Variants in ALG6 observed in about 807,000 individuals in gnomAD.
ALG6 encodes the protein ALG6 alpha-1,3-glucosyltransferase.
In ALG6, 46 loss-of-function variants were observed where a neutral mutation model predicts 66.6. The observed-to-expected ratio is 0.69, with a 90% CI of 0.55 to 0.88. The LOEUF (loss-of-function observed/expected upper bound fraction) is 0.88, where lower values mean the gene tolerates loss of function less well. Among genes scored for constraint, ALG6 ranks in the 40% least tolerant of loss-of-function variants. The pLI, the probability that ALG6 is intolerant of heterozygous loss-of-function variation, is 0.00. For missense variants in ALG6, 505 were observed against 586.8 expected (o/e 0.86, Z 1.44); for synonymous variants, 185 against 203.7 (o/e 0.91, Z 0.78).
At chr1:63,422,305 A>G (rs1204964667) in intron 12 of ALG6, among the ~76,000 whole-genome samples, 1 of 84,642 alleles carries the variant, frequency 1.2e-5, no homozygotes, top group Admixed American at 1.5e-4. Context: ...ATAGATATAA[A>G]TATATATCTA....
intron 14 of ALG6, chr1:63,429,887 T>TGTGTG (rs1553156973): frequency 9.3e-5 from 8 of 85,698 alleles, no homozygotes; most frequent in East Asian, 3.7e-4. Context: ...GTGTGTGTAT[T>TGTGTG]TATTTATTTT....
Position 63,437,015 on chromosome 1 carries a change from A to G in ALG6, c.1519A>G (p.Ser507Gly). The change falls in exon 15 of 15, where the codon AGC (serine) becomes GGC (glycine). Residue 507 changes from serine to glycine, a missense_variant. Physicochemically the swap from Ser to Gly is moderately conservative, Grantham distance 56. Transcript: ENST00000263440. ...SKSGRNQKKI[S>G] ...AAGTGGAAGAAATCAGAAGAAAATC[A>G]GCTAGCTGTATTCCTAAACAAATTG... The G allele has an allele frequency of 1.2e-6, 2 of 1,612,174 alleles. No homozygotes were observed. The highest frequency in any genetic ancestry group is 1.7e-6 in the Non-Finnish European group (2 of 1,178,796).
intron 2 of ALG6, among the ~76,000 whole-genome samples, chr1:63,375,433 T>TTTTTC (rs1648091579): frequency 7.0e-6 from 1 of 143,884 alleles, no homozygotes; most frequent in Non-Finnish European, 1.5e-5. Context: ...TTTTTTTTTT[T>TTTTTC]TTTTCCAGTA....
At position 63,437,527 on chromosome 1, in the gene ALG6, G is replaced by GAATT. The variant is rs1403220944; in HGVS notation, c.*510_*513dup. On this transcript the variant is annotated 3_prime_UTR_variant, in exon 15 of 15. Transcript: ENST00000263440. ...CACTGTTTAGAAGTCATATCTTAGGGAATTAAATTTGTGATAATCTTTTTA... is the reference window on the plus strand; with the variant it reads ...CACTGTTTAGAAGTCATATCTTAGGGAATTAATTAAATTTGTGATAATCTTTTTA... The GAATT allele has an allele frequency of 6.5e-6, 1 of 153,210 alleles. No homozygotes were observed. Among genetic ancestry groups the GAATT allele is most frequent in the African/African-American group, 2.4e-5 (1 of 41,402 alleles). 9.5% of individuals were successfully genotyped at this position (153,210 alleles called of 1,614,324 possible). A position where few individuals can be genotyped will look rare whatever the true frequency, so the allele number is the denominator to read the frequency against.
intron 13 of ALG6, 58 bp downstream of exon 13, chr1:63,428,859 C>A: frequency 6.3e-7 from 1 of 1,587,884 alleles, no homozygotes; most frequent in Non-Finnish European, 8.6e-7. Flanking sequence ...TAATTTAAAA[C>A]TTTTTTATGA....
intron 1 of ALG6, among the ~76,000 whole-genome samples, chr1:63,369,001 C>G (rs1647821654): frequency 6.6e-6 from 1 of 152,120 alleles, no homozygotes; most frequent in South Asian, 2.1e-4. Flanking sequence ...CCAAAGGTAA[C>G]CTCTTTCCTG....
chr1:63,368,107 C>A (rs1432774491), intron 1 of ALG6, among the ~76,000 whole-genome samples: 1 of 152,146 alleles, frequency 6.6e-6, no homozygotes. Flanking sequence ...GCGGGCTTGG[C>A]ATTTGTCGAG....
intron 14 of ALG6, among the ~76,000 whole-genome samples, chr1:63,431,925 A>G (rs1644647965): frequency 6.6e-6 from 1 of 152,166 alleles, no homozygotes; most frequent in Admixed American, 6.5e-5. Context: ...TTTTCAATAT[A>G]CAAGATAATG....
At chr1:63,392,153 T>C (rs1282226522) in intron 2 of ALG6, among the ~76,000 whole-genome samples, 3 of 151,932 alleles carry the variant, frequency 2.0e-5, no homozygotes, top group Admixed American at 1.3e-4. Context: ...CCCATTGCTA[T>C]GGAAAATATA....
chr1:63,373,343 A>G (rs552235730), intron 2 of ALG6, among the ~76,000 whole-genome samples: 4 of 151,758 alleles, frequency 2.6e-5, no homozygotes, highest in Non-Finnish European at 5.9e-5. Flanking sequence ...CTTTTCTCTT[A>G]AAACATTTTT....
At chr1:63,423,266 C>T (rs1644597949) in intron 12 of ALG6, among the ~76,000 whole-genome samples, 1 of 152,138 alleles carries the variant, frequency 6.6e-6, no homozygotes, top group Admixed American at 6.5e-5. Flanking sequence ...TCAACTGATT[C>T]CCCTGCCTTG....
intron 2 of ALG6, among the ~76,000 whole-genome samples, chr1:63,386,815 T>A (rs1648517956): frequency 6.6e-6 from 1 of 152,172 alleles, no homozygotes; most frequent in Non-Finnish European, 1.5e-5. Flanking sequence ...TCTTTACTAT[T>A]TCTTCTACTA....
At chr1:63,382,679 G>GTTTTTTTTTTTT (rs59573321) in intron 2 of ALG6, among the ~76,000 whole-genome samples, 3 of 19,768 alleles carry the variant, frequency 1.5e-4, no homozygotes, top group Admixed American at 5.2e-4. Flanking sequence ...TTTTTTTTTT[G>GTTTTTTTTTTTT]TTTTTTTTTT....
chr1:63,409,880 C>A lies in ALG6; in HGVS notation c.495-1266C>A, dbSNP rs114852958. Reference sequence around the variant, plus strand: ...TTGCATTATAGTGCTAACCTCTACACTGGATAGTTTAGTTCATTTCTTCAG... The same window carrying A: ...TTGCATTATAGTGCTAACCTCTACAATGGATAGTTTAGTTCATTTCTTCAG... On this transcript the variant is annotated intron_variant, in intron 7 of 14. Transcript: ENST00000263440. Among the ~76,000 whole-genome samples the A allele has an allele frequency of 9.6e-3, 1,460 of 152,296 alleles. 23 individuals are homozygous for A. Among genetic ancestry groups the A allele is most frequent in the African/African-American group, 0.032 (1,348 of 41,560 alleles).
chr1:63,403,858 C>T (rs1644477604), intron 4 of ALG6, among the ~76,000 whole-genome samples: 1 of 152,124 alleles, frequency 6.6e-6, no homozygotes, highest in Non-Finnish European at 1.5e-5. Context: ...CATTGTCCTA[C>T]ATATGGTCCA....
intron 12 of ALG6, among the ~76,000 whole-genome samples, chr1:63,426,937 T>C (rs1644618059): frequency 6.6e-6 from 1 of 152,232 alleles, no homozygotes; most frequent in Non-Finnish European, 1.5e-5. Context: ...CAGTATTTAT[T>C]GAGCACCTTC....
chr1:63,380,635 A>T (rs982537850), intron 2 of ALG6, among the ~76,000 whole-genome samples: 24 of 152,180 alleles, frequency 1.6e-4, no homozygotes, highest in African/African-American at 5.5e-4. Flanking sequence ...AGAGTATAGG[A>T]TAAAATACTA....
chr1:63,402,203 T>C lies in ALG6; in HGVS notation c.168-51T>C, dbSNP rs2100412659. On this transcript the variant is annotated intron_variant, in intron 3 of 14. Transcript: ENST00000263440. ...TGCAATGTTAAATTATAAGTCTACT[T>C]CTTGAATATTGATTAACGGAATGGT... 3 of 1,088,544 alleles carry C rather than the reference T, an allele frequency of 2.8e-6. No homozygotes were observed. In the South Asian group the frequency reaches 3.7e-5, roughly 14 times the overall value. The allele number at this position is 1,088,544 out of a possible 1,614,324, so 67.4% of individuals were successfully genotyped here. A position where few individuals can be genotyped will look rare whatever the true frequency, so the allele number is the denominator to read the frequency against.
chr1:63,372,250 G>A (rs369456231), intron 2 of ALG6, among the ~76,000 whole-genome samples: 4 of 152,064 alleles, frequency 2.6e-5, no homozygotes, highest in East Asian at 3.9e-4. Context: ...AAATTATTTC[G>A]TTGTAGAAAA....
Sources: allele counts gnomAD v4.1 joint callset (sites outside exome capture counted in the v4.1 genomes callset), GRCh38; gene constraint gnomAD v4.1.1; transcripts MANE v1.5; gene names NCBI Gene and HGNC (gene_info 2026-07-23, HGNC 2026-07-21).